Variants in TRIM47 observed in about 807,000 individuals in gnomAD.
TRIM47 encodes tripartite motif containing 47, also known as E3 ubiquitin-protein ligase TRIM47.
In TRIM47, 46 loss-of-function variants were observed where a neutral mutation model predicts 54.4. The ratio of observed to expected loss-of-function variants is 0.84; its 90% CI spans 0.67 to 1.08. The LOEUF is 1.08. TRIM47 is among the 50% of genes least tolerant of loss of function. TRIM47 has a pLI of 0.00. For synonymous variants in TRIM47, 392 were observed against 410.2 expected, an observed-to-expected ratio of 0.96 and a Z score of 0.54; for missense variants, 825 against 910.1, an observed-to-expected ratio of 0.91 and a Z score of 1.20.
chr17:75,877,058 A>T (rs1325130951), intron 1 of TRIM47: 1 of 559,570 alleles, frequency 1.8e-6, no homozygotes, highest in Non-Finnish European at 3.2e-6. Flanking sequence ...CTCTGACAGG[A>T]GGCCTAGTAC....
chr17:75,874,236 T>G lies in TRIM47; in HGVS notation c.*247A>C. The G allele has an allele frequency of 2.6e-6, 1 of 389,948 alleles. No homozygotes were observed. The highest frequency in any genetic ancestry group is 4.5e-6 in the Non-Finnish European group (1 of 219,976). 24.2% of individuals were successfully genotyped at this position (389,948 alleles called of 1,614,324 possible). ...TTCTAGAAACCTGGGAAAGGAGGGGTTAGGGTAGCTTGGAGCTGTCCCAGC... is the reference window on the plus strand; with the variant it reads ...TTCTAGAAACCTGGGAAAGGAGGGGGTAGGGTAGCTTGGAGCTGTCCCAGC... On this transcript the variant is annotated 3_prime_UTR_variant, in exon 6 of 6. Coordinates refer to ENST00000254816, the MANE Select transcript of TRIM47 (RefSeq NM_033452.3). This position sits in a 1 kb window ranked among gnomAD's most constrained non-coding sequence, Gnocchi z 6.2.
At chr17:75,877,740 A>G (rs1173663947) in intron 1 of TRIM47, 134 bp downstream of exon 1, 11 of 1,243,332 alleles carry the variant, frequency 8.8e-6, no homozygotes, top group Non-Finnish European at 1.1e-5. Context: ...GCTGGAAGGG[A>G]CCGCAAAGAT....
chr17:75,875,806 TTCC>T lies in TRIM47; in HGVS notation c.1201+92_1201+94del. 7.1e-7 allele frequency: 1 copy of T among 1,417,776 alleles called. No homozygotes were observed. Among genetic ancestry groups the T allele is most frequent in the Non-Finnish European group, 9.5e-7 (1 of 1,051,316 alleles). The allele number at this position is 1,417,776 out of a possible 1,614,324, so 87.8% of individuals were successfully genotyped here. On this transcript the variant is annotated intron_variant, in intron 4 of 5. Transcript: ENST00000254816. This position sits in a 1 kb window ranked among gnomAD's most constrained non-coding sequence, Gnocchi z 6.1. ...GCTCCTCCCTGTGCCAGGCACAATT[TTCC>T]TCCTCCACTTCTGGATGGGCGCCAG...
Position 75,874,434 on chromosome 17 carries a change from A to C in TRIM47, c.*49T>G, listed in dbSNP as rs2065118898. 8 of 1,476,070 alleles carry C rather than the reference A, an allele frequency of 5.4e-6. No homozygotes were observed. The South Asian group carries it at 7.5e-5, about 14-fold the overall frequency. The allele number at this position is 1,476,070 out of a possible 1,614,324, so 91.4% of individuals were successfully genotyped here. On this transcript the variant is annotated 3_prime_UTR_variant, in exon 6 of 6. Coordinates refer to ENST00000254816, the MANE Select transcript of TRIM47 (RefSeq NM_033452.3). This position sits in a 1 kb window ranked among gnomAD's most constrained non-coding sequence, Gnocchi z 6.2. ...CCAGACGAAGGAGAGGGCCCAGAGGAGGCAGCTTCCTGGAGCAGAGACGGC... is the reference window on the plus strand; with the variant it reads ...CCAGACGAAGGAGAGGGCCCAGAGGCGGCAGCTTCCTGGAGCAGAGACGGC...
Position 75,875,098 on chromosome 17 carries a change from G to T in TRIM47, c.1302C>A (p.Ser434Arg), listed in dbSNP as rs770445702. ...GCTGCAGGAACTTGTCTGCTGTGTC[G>T]CTGTCCAAATCCACAATATAGGCAA... The part of the protein sequence containing the change: ...LKFAYIVDLD[S>R]DTADKFLQLF... Residue 434 changes from serine (S) to arginine (R), a missense_variant, in exon 6 of 6, where the codon AGC becomes AGA. Coordinates refer to ENST00000254816, the MANE Select transcript of TRIM47 (RefSeq NM_033452.3). The surrounding 1 kb of genome is among the most constrained non-coding windows in gnomAD (Gnocchi z 6.1). 2 of 1,602,874 alleles carry T rather than the reference G, an allele frequency of 1.2e-6. No individual in the cohort carries two copies. Among genetic ancestry groups the T allele is most frequent in the South Asian group, 2.2e-5 (2 of 90,132 alleles).
At chr17:75,876,534 C>A (rs747785418) in intron 2 of TRIM47, 42 bp from the exon 3 acceptor site, 3 of 1,534,898 alleles carry the variant, frequency 2.0e-6, no homozygotes, top group African/African-American at 2.7e-5. Flanking sequence ...GGGCAAAGAA[C>A]CGTCCCGGAC....
Position 75,876,280 on chromosome 17 carries a change from G to C in TRIM47, c.984C>G (p.Asp328Glu). The C allele has an allele frequency of 1.1e-5, 18 of 1,607,992 alleles. No individual in the cohort carries two copies. The highest frequency in any genetic ancestry group is 1.5e-5 in the Non-Finnish European group (18 of 1,178,838). Reference sequence around the variant, plus strand: ...CCTTCACCTGCAGGAAGCTGACTGAGTCAGCTTCAGGGACCTGGCTGAGAT... The same window carrying C: ...CCTTCACCTGCAGGAAGCTGACTGACTCAGCTTCAGGGACCTGGCTGAGAT... ...RQNLSQVPEA[D>E]SVSFLQELLA... Residue 328 changes from aspartate (D) to glutamate (E), a missense_variant, in exon 3 of 6, where the codon GAC becomes GAG. Transcript: ENST00000254816.
chr17:75,874,474 T>C lies in TRIM47; in HGVS notation c.*9A>G. 6.7e-7 allele frequency: 1 copy of C among 1,492,480 alleles called. No homozygotes were observed. The highest frequency in any genetic ancestry group is 1.4e-5 in the African/African-American group (1 of 71,344). The allele number at this position is 1,492,480 out of a possible 1,614,324, so 92.5% of individuals were successfully genotyped here. A position where few individuals can be genotyped will look rare whatever the true frequency, so the allele number is the denominator to read the frequency against. The stretch of plus-strand genomic sequence containing the variant: ...GCAGAGACGGCAGCAGGAGCGCCCG[T>C]GCCCGGCATCACCTCCTCTTCAGCA... On this transcript the variant is annotated 3_prime_UTR_variant, in exon 6 of 6. Transcript: ENST00000254816. This position sits in a 1 kb window ranked among gnomAD's most constrained non-coding sequence, Gnocchi z 6.2.
intron 1 of TRIM47, chr17:75,877,601 C>T: frequency 2.7e-6 from 3 of 1,109,446 alleles, no homozygotes; most frequent in African/African-American, 1.6e-5. Flanking sequence ...GGCTCCCTCC[C>T]GCCTACACCC....
intron 1 of TRIM47, chr17:75,877,026 TG>T: frequency 1.7e-6 from 1 of 578,878 alleles, no homozygotes; most frequent in Non-Finnish European, 3.1e-6. Flanking sequence ...GCGTGCAGGC[TG>T]ACTGGGTGTC....
rs2065134954 is a variant in TRIM47, at chr17:75,876,393, C to G, written c.871G>C (p.Glu291Gln). 6.2e-7 allele frequency: 1 copy of G among 1,612,382 alleles called. No individual in the cohort carries two copies. Among genetic ancestry groups the G allele is most frequent in the Non-Finnish European group, 8.5e-7 (1 of 1,180,004 alleles). Residue 291 changes from glutamate (E) to glutamine (Q), a missense_variant, in exon 3 of 6, where the codon GAG (glutamate) becomes CAG (glutamine). Glu to Gln is a conservative substitution (Grantham distance 29, BLOSUM62 2). Coordinates refer to ENST00000254816, the MANE Select transcript of TRIM47 (RefSeq NM_033452.3). Reference sequence around the variant, plus strand: ...CGGCCTAGCATGGCAGCTTCCCCCTCCTCGATGAAGCCCAGCACCTGGGTC... The same window carrying G: ...CGGCCTAGCATGGCAGCTTCCCCCTGCTCGATGAAGCCCAGCACCTGGGTC... ...FQTQVLGFIE[E>Q]GEAAMLGRSQ...
In TRIM47 at chr17:75,875,616, TCA is replaced by T; in HGVS notation, c.1202-144_1202-143del. On this transcript the variant is annotated intron_variant, in intron 4 of 5. Transcript: ENST00000254816. The surrounding 1 kb of genome is among the most constrained non-coding windows in gnomAD (Gnocchi z 6.1). Reference sequence around the variant, plus strand: ...ACCACCCAGATGTGGCACGCTGTGCTCACACACATGCCCGTTGCCTGTGTTCT... The same window carrying T: ...ACCACCCAGATGTGGCACGCTGTGCTCACACATGCCCGTTGCCTGTGTTCT... The T allele has an allele frequency of 1.3e-6, 1 of 788,394 alleles. No homozygotes were observed. The highest frequency in any genetic ancestry group is 2.1e-6 in the Non-Finnish European group (1 of 466,846). 48.8% of individuals were successfully genotyped at this position (788,394 alleles called of 1,614,324 possible). A position where few individuals can be genotyped will look rare whatever the true frequency, so the allele number is the denominator to read the frequency against.
At position 75,874,178 on chromosome 17, in the gene TRIM47, G is replaced by A. The variant is rs1159743419; in HGVS notation, c.*305C>T. The A allele has an allele frequency of 3.7e-6, 1 of 272,638 alleles. No homozygotes were observed. Among genetic ancestry groups the A allele is most frequent in the Non-Finnish European group, 6.8e-6 (1 of 146,226 alleles). The allele number at this position is 272,638 out of a possible 1,614,324, so 16.9% of individuals were successfully genotyped here. A position where few individuals can be genotyped will look rare whatever the true frequency, so the allele number is the denominator to read the frequency against. On this transcript the variant is annotated 3_prime_UTR_variant, in exon 6 of 6. Transcript: ENST00000254816. This position sits in a 1 kb window ranked among gnomAD's most constrained non-coding sequence, Gnocchi z 6.2. Reference sequence around the variant, plus strand: ...AAAAGGAGTCATTCATTCAACAAGTGTTTATTGAGCATCTACTACATGCCA... The same window carrying A: ...AAAAGGAGTCATTCATTCAACAAGTATTTATTGAGCATCTACTACATGCCA...
chr17:75,874,334 A>C lies in TRIM47; in HGVS notation c.*149T>G. ...GGGGTCCTCCTGCCTGGGAGAGGGA[A>C]GGCTGAGTGTATAAAAAGGTGGAAG... On this transcript the variant is annotated 3_prime_UTR_variant, in exon 6 of 6. Coordinates refer to ENST00000254816, the MANE Select transcript of TRIM47 (RefSeq NM_033452.3). The surrounding 1 kb of genome is among the most constrained non-coding windows in gnomAD (Gnocchi z 6.2). 1 of 670,190 alleles carries C rather than the reference A, an allele frequency of 1.5e-6. No homozygotes were observed. Among genetic ancestry groups the C allele is most frequent in the Non-Finnish European group, 2.3e-6 (1 of 435,812 alleles). 41.5% of individuals were successfully genotyped at this position (670,190 alleles called of 1,614,324 possible). A position where few individuals can be genotyped will look rare whatever the true frequency, so the allele number is the denominator to read the frequency against.
chr17:75,876,688 T>C (rs758529677), intron 2 of TRIM47, 30 bp downstream of exon 2: 2 of 1,611,874 alleles, frequency 1.2e-6, no homozygotes, highest in Non-Finnish European at 1.7e-6. Context: ...TTGGAGTGGA[T>C]TGTTCCATGC....
chr17:75,876,908 T>C (rs1567835922), intron 1 of TRIM47, 95 bp from the exon 2 acceptor site: 2 of 1,194,432 alleles, frequency 1.7e-6, no homozygotes, highest in Non-Finnish European at 2.4e-6. Context: ...AGGGGGTGAC[T>C]GGGGAGTGGT....
In TRIM47 at chr17:75,876,154, G is replaced by T. The variant is rs536045303; in HGVS notation, c.1003-55C>A. 36 of 1,582,656 alleles carry T rather than the reference G, an allele frequency of 2.3e-5. No homozygotes were observed. The South Asian group carries it at 3.9e-4, about 17-fold the overall frequency. ...TGCTGGCCATGGCTCCTCCTTGCTG[G>T]GGGTGGAGGCAGCTCTGCCAGGAAG... On this transcript the variant is annotated intron_variant, in intron 3 of 5. Transcript: ENST00000254816.
chr17:75,876,592 GGGGACAGAGGGGCCAGACTGAGCCT>G (rs2065136694), intron 2 of TRIM47, 100 bp from the exon 3 acceptor site: 1 of 1,502,144 alleles, frequency 6.7e-7, no homozygotes, highest in South Asian at 1.3e-5. Flanking sequence ...GCCCTCTTGA[GGGGACAGAGGGGCCAGACTGAGCCT>G]GTCCTGGATC....
Position 75,874,468 on chromosome 17 carries a change from C to T in TRIM47, c.*15G>A, listed in dbSNP as rs758344962. The T allele has an allele frequency of 2.6e-5, 39 of 1,486,022 alleles. No homozygotes were observed. The highest frequency in any genetic ancestry group is 3.0e-5 in the Non-Finnish European group (34 of 1,118,264). 92.1% of individuals were successfully genotyped at this position (1,486,022 alleles called of 1,614,324 possible). The stretch of plus-strand genomic sequence containing the variant: ...CCTGGAGCAGAGACGGCAGCAGGAG[C>T]GCCCGTGCCCGGCATCACCTCCTCT... On this transcript the variant is annotated 3_prime_UTR_variant, in exon 6 of 6. Coordinates refer to ENST00000254816, the MANE Select transcript of TRIM47 (RefSeq NM_033452.3). This position sits in a 1 kb window ranked among gnomAD's most constrained non-coding sequence, Gnocchi z 6.2.
Sources: allele counts gnomAD v4.1 joint callset, GRCh38; gene constraint gnomAD v4.1.1; non-coding constraint Gnocchi (gnomAD v3.1); transcripts MANE v1.5; gene names NCBI Gene and HGNC (gene_info 2026-07-23, HGNC 2026-07-21).